FBXO42: variants seen among roughly 807,000 people sequenced by gnomAD.
FBXO42 encodes the protein F-box protein 42, also known as F-box only protein 42.
In FBXO42, 12 loss-of-function variants were observed where a neutral mutation model predicts 71.7. The observed-to-expected ratio is 0.17, with a 90% CI of 0.11 to 0.27. The LOEUF is 0.27. Among genes scored for constraint, FBXO42 ranks in the 10% least tolerant of loss-of-function variants. The pLI is 1.00. For synonymous variants in FBXO42, 325 were observed against 327.5 expected, an observed-to-expected ratio of 0.99 and a Z score of 0.08; for missense variants, 707 against 911.9, an observed-to-expected ratio of 0.78 and a Z score of 2.89.
intron 2 of FBXO42, among the ~76,000 whole-genome samples, chr1:16,314,494 G>A (rs557918505): frequency 1.3e-5 from 2 of 152,272 alleles, no homozygotes; most frequent in African/African-American, 4.8e-5. Context: ...ATAAAATGCA[G>A]GATCTTCTAG....
rs1569793886 is a variant in FBXO42, at chr1:16,248,280, C to T, written c.*2390G>A. On this transcript the variant is annotated 3_prime_UTR_variant, in exon 10 of 10. Coordinates refer to ENST00000375592, the MANE Select transcript of FBXO42 (RefSeq NM_018994.3). Reference sequence around the variant, plus strand: ...GGTACACGCCCACAGTGCCCAGGAGCTACCAAGACCAACCATAATGGGGGC... The same window carrying T: ...GGTACACGCCCACAGTGCCCAGGAGTTACCAAGACCAACCATAATGGGGGC... 1 of 152,180 alleles carries T rather than the reference C, an allele frequency of 6.6e-6. No homozygotes were observed. The highest frequency in any genetic ancestry group is 2.4e-5 in the African/African-American group (1 of 41,438). The allele number at this position is 152,180 out of a possible 1,614,324, so 9.4% of individuals were successfully genotyped here.
intron 1 of FBXO42, among the ~76,000 whole-genome samples, chr1:16,349,497 A>G (rs929774031): frequency 2.0e-5 from 3 of 152,226 alleles, no homozygotes; most frequent in African/African-American, 7.2e-5. Flanking sequence ...CACGAACACT[A>G]TCTTTTCTGA....
intron 1 of FBXO42, among the ~76,000 whole-genome samples, chr1:16,330,078 A>C (rs968305229): frequency 2.0e-5 from 3 of 152,230 alleles, no homozygotes; most frequent in African/African-American, 7.2e-5. Flanking sequence ...ACCTAGGTGA[A>C]GTTATTATAT....
intron 3 of FBXO42, among the ~76,000 whole-genome samples, chr1:16,301,590 G>A (rs1172049783): frequency 4.0e-5 from 6 of 150,958 alleles, no homozygotes; most frequent in Admixed American, 1.3e-4. Flanking sequence ...TTAAATCTGG[G>A]AGGCAGAGGC....
chr1:16,303,253 T>C (rs1038063094), intron 3 of FBXO42, among the ~76,000 whole-genome samples: 2 of 152,200 alleles, frequency 1.3e-5, no homozygotes, highest in African/African-American at 4.8e-5. Flanking sequence ...TGAAGCTTGC[T>C]GACGGAAGAA....
intron 4 of FBXO42, among the ~76,000 whole-genome samples, chr1:16,291,283 T>A (rs1483757158): frequency 6.6e-6 from 1 of 152,194 alleles, no homozygotes; most frequent in African/African-American, 2.4e-5. Flanking sequence ...TAGGAAGTGA[T>A]TTTGATTAGG....
At chr1:16,319,885 T>C (rs946614328) in intron 1 of FBXO42, among the ~76,000 whole-genome samples, 5 of 150,984 alleles carry the variant, frequency 3.3e-5, no homozygotes, top group Non-Finnish European at 7.4e-5. Flanking sequence ...CCCTCTAGCC[T>C]GGGCAACAGA....
At chr1:16,338,708 C>T (rs556981145) in intron 1 of FBXO42, among the ~76,000 whole-genome samples, 1 of 151,936 alleles carries the variant, frequency 6.6e-6, no homozygotes, top group Non-Finnish European at 1.5e-5. Context: ...GCATATAAAC[C>T]TAGCTTCCCC....
intron 4 of FBXO42, among the ~76,000 whole-genome samples, chr1:16,288,181 T>A (rs1315173765): frequency 6.6e-6 from 1 of 151,542 alleles, no homozygotes; most frequent in Non-Finnish European, 1.5e-5. Context: ...GGCTCAAGCG[T>A]GTAATCCCAG....
chr1:16,313,324 CAAA>C (rs2082333228), intron 2 of FBXO42, among the ~76,000 whole-genome samples: 1 of 137,714 alleles, frequency 7.3e-6, no homozygotes, highest in East Asian at 2.1e-4. Context: ...GAAAAGAAAA[CAAA>C]GAAAGAAAGA....
chr1:16,309,749 C>T (rs1421511406), intron 2 of FBXO42, among the ~76,000 whole-genome samples: 1 of 151,828 alleles, frequency 6.6e-6, no homozygotes, highest in Non-Finnish European at 1.5e-5. Context: ...TTTTTTAAAA[C>T]ATTAGCCGGG....
intron 1 of FBXO42, among the ~76,000 whole-genome samples, chr1:16,334,598 A>C (rs2082534603): frequency 6.6e-6 from 1 of 152,150 alleles, no homozygotes; most frequent in Non-Finnish European, 1.5e-5. Context: ...CATGTTTACT[A>C]TTCTGTATCA....
At chr1:16,332,669 C>T (rs1569936604) in intron 1 of FBXO42, among the ~76,000 whole-genome samples, 2 of 151,754 alleles carry the variant, frequency 1.3e-5, no homozygotes, top group African/African-American at 4.8e-5. Context: ...AGCTGCTGAA[C>T]AGCTGGGATT....
At chr1:16,253,400 G>A in intron 7 of FBXO42, 2 of 591,160 alleles carry the variant, frequency 3.4e-6, no homozygotes, top group South Asian at 4.4e-5. Context: ...TAAAATGCAG[G>A]ATTCTCTTGA....
In FBXO42 at chr1:16,251,014, G is replaced by C. The variant is rs1314758980; in HGVS notation, c.1810C>G (p.Pro604Ala). The C allele has an allele frequency of 1.2e-6, 2 of 1,614,190 alleles. No homozygotes were observed. The highest frequency in any genetic ancestry group is 3.3e-5 in the Admixed American group (2 of 60,020). The change falls in exon 10 of 10, where the codon CCA (proline) becomes GCA (alanine). Residue 604 changes from proline (P) to alanine (A), a missense_variant. By Grantham distance (27) the Pro-to-Ala change is conservative. Around this residue, in one of 5 missense-constraint regions of FBXO42, gnomAD observed 482 missense variants for 587.1 expected, o/e 0.82. Transcript: ENST00000375592. This position sits in a 1 kb window ranked among gnomAD's most constrained non-coding sequence, Gnocchi z 4.5. ...TGTCCATCTCCTTGGGCAGGCCCTG[G>C]GCGAGGGATGGGCACTGTTTCTCCA... Reference protein sequence around the residue: ...SSGETVPIPRPGPAQGDGHSL... With the variant: ...SSGETVPIPRAGPAQGDGHSL...
chr1:16,260,366 G>A (rs1444939615), intron 4 of FBXO42, among the ~76,000 whole-genome samples: 4 of 151,752 alleles, frequency 2.6e-5, no homozygotes, highest in African/African-American at 7.3e-5. Flanking sequence ...ATACTGCCAC[G>A]CCCGGCTAAT....
chr1:16,348,473 C>T (rs533642791), intron 1 of FBXO42, among the ~76,000 whole-genome samples: 21 of 152,018 alleles, frequency 1.4e-4, no homozygotes, highest in African/African-American at 4.3e-4. Flanking sequence ...CAAAGGTGGG[C>T]GGATCACATG....
rs1553155453 is a variant in FBXO42, at chr1:16,333,446, C to CG, written c.-17-18012_-17-18011insC. ...TGGGCAAATAGTGAGACCCCCCCCCCCCATTTCCAAGAAGAAAAAAAAAAT... is the reference window on the plus strand; with the variant it reads ...TGGGCAAATAGTGAGACCCCCCCCCCGCCATTTCCAAGAAGAAAAAAAAAAT... On this transcript the variant is annotated intron_variant, in intron 1 of 9. Coordinates refer to ENST00000375592, the MANE Select transcript of FBXO42 (RefSeq NM_018994.3). Among the ~76,000 whole-genome samples, 192 of 140,822 alleles carry CG rather than the reference C, an allele frequency of 1.4e-3. 1 individual carries two copies. Among genetic ancestry groups the CG allele is most frequent in the Non-Finnish European group, 1.7e-3 (112 of 64,402 alleles). 92.4% of individuals were successfully genotyped at this position (140,822 alleles called of 152,430 possible).
At chr1:16,326,845 C>T (rs983108585) in intron 1 of FBXO42, among the ~76,000 whole-genome samples, 3 of 152,114 alleles carry the variant, frequency 2.0e-5, no homozygotes, top group Non-Finnish European at 4.4e-5. Flanking sequence ...TGGAGATGAG[C>T]TACATAAATG....
Sources: allele counts gnomAD v4.1 joint callset (sites outside exome capture counted in the v4.1 genomes callset), GRCh38; gene constraint gnomAD v4.1.1; regional missense constraint gnomAD v4.1.1; non-coding constraint Gnocchi (gnomAD v3.1); transcripts MANE v1.5; gene names NCBI Gene and HGNC (gene_info 2026-07-23, HGNC 2026-07-21).